Variants in WDR47 observed in about 807,000 individuals in gnomAD.
The protein encoded by WDR47 is WD repeat domain 47.
WDR47 carries 32 observed loss-of-function variants against 97.2 expected under a neutral mutation model. The ratio of observed to expected loss-of-function variants is 0.33; its 90% CI spans 0.25 to 0.44. The LOEUF is 0.44. Ranked by LOEUF, WDR47 falls within the 20% of genes least tolerant of loss-of-function variation. The pLI, the probability that WDR47 is intolerant of heterozygous loss-of-function variation, is 1.00. For synonymous variants in WDR47, 375 were observed against 373.5 expected (o/e 1.00, Z -0.05); for missense variants, 782 against 1,102.3 (o/e 0.71, Z 4.11).
intron 2 of WDR47, among the ~76,000 whole-genome samples, chr1:109,020,682 C>G (rs1024311555): frequency 6.6e-6 from 1 of 152,012 alleles, no homozygotes; most frequent in Non-Finnish European, 1.5e-5. Flanking sequence ...CTGTTAACTT[C>G]TAGGAGTATT....
In WDR47 at chr1:109,038,840, G is replaced by C. The variant is rs183980704; in HGVS notation, c.-10+3022C>G. Among the ~76,000 whole-genome samples the C allele has an allele frequency of 3.5e-3, 537 of 152,178 alleles. 6 individuals carry two copies. The highest frequency in any genetic ancestry group is 0.012 in the African/African-American group (517 of 41,518). On this transcript the variant is annotated intron_variant, in intron 1 of 14. Transcript: ENST00000369962. ...AAAAATACAAAAATTAGTCAAGTGTGGGGGTATGTGCACCTGCAATCCCAG... is the reference window on the plus strand; with the variant it reads ...AAAAATACAAAAATTAGTCAAGTGTCGGGGTATGTGCACCTGCAATCCCAG...
intron 10 of WDR47, among the ~76,000 whole-genome samples, chr1:108,984,194 T>A (rs773242039): frequency 9.2e-5 from 14 of 152,166 alleles, no homozygotes; most frequent in Non-Finnish European, 8.8e-5. Flanking sequence ...GGGTTCTAAA[T>A]GCCATGCTCC....
rs1662002743 is a variant in WDR47, at chr1:109,023,601, C to T, written c.-9-80G>A. 10 of 1,403,950 alleles carry T rather than the reference C, an allele frequency of 7.1e-6. No individual in the cohort carries two copies. The East Asian group carries it at 2.3e-4, about 32-fold the overall frequency. The allele number at this position is 1,403,950 out of a possible 1,614,324, so 87.0% of individuals were successfully genotyped here. ...TTAACTGCCTGGCAACTACACATAA[C>T]AGGTTTACTGGGAATCTTTAGTACA... On this transcript the variant is annotated intron_variant, in intron 1 of 14. Transcript: ENST00000369962.
At chr1:109,020,926 GC>G (rs1661793709) in intron 2 of WDR47, among the ~76,000 whole-genome samples, 1 of 141,946 alleles carries the variant, frequency 7.0e-6, no homozygotes, top group South Asian at 2.2e-4. Context: ...CCTTCTTGTC[GC>G]CCAAGCTGGA....
chr1:108,986,470 C>T lies in WDR47; in HGVS notation c.1925+53G>A, dbSNP rs116669880. The stretch of plus-strand genomic sequence containing the variant: ...GGCAATTCTGAAAAAGGAACCTATA[C>T]GGCTAAATTAAAAACTAAGGTAAGA... On this transcript the variant is annotated intron_variant, in intron 10 of 14. Coordinates refer to ENST00000369962, the MANE Select transcript of WDR47 (RefSeq NM_001142551.2). 10,135 of 1,502,056 alleles carry T rather than the reference C, an allele frequency of 6.7e-3. 36 individuals carry two copies. The highest frequency in any genetic ancestry group is 8.4e-3 in the Non-Finnish European group (9,408 of 1,118,112). The allele number at this position is 1,502,056 out of a possible 1,614,324, so 93.0% of individuals were successfully genotyped here.
rs544611307 is a variant in WDR47, at chr1:109,031,185, C to G, written c.-9-7664G>C. ...TCTTCTAACCAAAGCTCTGTCATGT[C>G]TGCTAATCACCTAACATTTGTAACA... On this transcript the variant is annotated intron_variant, in intron 1 of 14. Coordinates refer to ENST00000369962, the MANE Select transcript of WDR47 (RefSeq NM_001142551.2). Among the ~76,000 whole-genome samples, 14 of 140,000 alleles carry G rather than the reference C, an allele frequency of 1.0e-4. 3 individuals carry two copies. Among genetic ancestry groups the G allele is most frequent in the Non-Finnish European group, 2.2e-4 (14 of 62,866 alleles). The allele number at this position is 140,000 out of a possible 152,430, so 91.8% of individuals were successfully genotyped here.
intron 1 of WDR47, among the ~76,000 whole-genome samples, chr1:109,032,505 C>CAAAA (rs35413882): frequency 1.2e-5 from 1 of 84,992 alleles, no homozygotes. Flanking sequence ...GAGACTGTCT[C>CAAAA]AAAAAAAAAA....
At chr1:108,984,172 C>A (rs1658581021) in intron 10 of WDR47, among the ~76,000 whole-genome samples, 1 of 152,120 alleles carries the variant, frequency 6.6e-6, no homozygotes, top group Non-Finnish European at 1.5e-5. Context: ...GCACTGCAGG[C>A]TCAGCTGTGG....
In WDR47 at chr1:109,041,972, C is replaced by A. The variant is rs1035665301; in HGVS notation, c.-120G>T. The A allele has an allele frequency of 6.6e-6, 1 of 152,324 alleles. No homozygotes were observed. Among genetic ancestry groups the A allele is most frequent in the Non-Finnish European group, 1.5e-5 (1 of 68,116 alleles). 9.4% of individuals were successfully genotyped at this position (152,324 alleles called of 1,614,324 possible). ...CCGGGCTGCGGCAGGAGCACGACGG[C>A]GGCGGTCTGGGTTTGGCGTCGGTCC... On this transcript the variant is annotated 5_prime_UTR_variant, in exon 1 of 15. Coordinates refer to ENST00000369962, the MANE Select transcript of WDR47 (RefSeq NM_001142551.2).
intron 2 of WDR47, 21 bp from the exon 3 acceptor site, chr1:109,017,622 A>G: frequency 6.3e-7 from 1 of 1,591,468 alleles, no homozygotes; most frequent in Non-Finnish European, 8.5e-7. Flanking sequence ...AATTTAAAAA[A>G]ACCAGCATGT....
chr1:109,012,852 A>G (rs1307643274), intron 4 of WDR47, among the ~76,000 whole-genome samples: 1 of 152,154 alleles, frequency 6.6e-6, no homozygotes, highest in Non-Finnish European at 1.5e-5. Flanking sequence ...CTCCTAACTC[A>G]TGTTCCAGTG....
rs1658446361 is a variant in WDR47, at chr1:108,982,770, A to C, written c.2105T>G (p.Leu702Arg). The change falls in exon 12 of 15, where the codon CTG becomes CGG. Residue 702 changes from leucine (L) to arginine (R), a missense_variant. Leu to Arg is a moderately radical substitution (Grantham distance 102). This residue lies in a region of WDR47 where 228 missense variants were observed against 396.7 expected (regional missense o/e 0.57). Coordinates refer to ENST00000369962, the MANE Select transcript of WDR47 (RefSeq NM_001142551.2). ...AETCNATGPD[L>R]EFSMHDGTIR... is the part of the protein sequence containing the mutation. ...TGTTCCATCATGCATACTAAATTCCAGATCTGGTCCTGAAACAGTAGTAAG... is the reference window on the plus strand; with the variant it reads ...TGTTCCATCATGCATACTAAATTCCCGATCTGGTCCTGAAACAGTAGTAAG... The C allele has an allele frequency of 1.9e-6, 3 of 1,605,930 alleles. No homozygotes were observed. The highest frequency in any genetic ancestry group is 2.5e-6 in the Non-Finnish European group (3 of 1,178,044).
intron 8 of WDR47, chr1:108,992,978 G>C: frequency 1.6e-6 from 1 of 635,626 alleles, no homozygotes; most frequent in South Asian, 2.0e-5. Context: ...GAAATACCCA[G>C]AAGAATAAGG....
chr1:109,017,635 C>T (rs777507652), intron 2 of WDR47, 34 bp from the exon 3 acceptor site: 177 of 1,561,784 alleles, frequency 1.1e-4, no homozygotes, highest in Middle Eastern at 1.7e-4. Context: ...CAGCATGTCA[C>T]CAAATTCAGG....
intron 10 of WDR47, among the ~76,000 whole-genome samples, chr1:108,984,823 A>G (rs1049972606): frequency 6.6e-6 from 1 of 152,218 alleles, no homozygotes; most frequent in Non-Finnish European, 1.5e-5. Context: ...GGTTACAGTG[A>G]GCTGAGGTCG....
intron 1 of WDR47, among the ~76,000 whole-genome samples, chr1:109,034,488 C>A (rs1293599736): frequency 6.6e-6 from 1 of 152,078 alleles, no homozygotes; most frequent in Non-Finnish European, 1.5e-5. Context: ...GGTCCCCAAC[C>A]CCCAGGACAC....
Position 108,974,876 on chromosome 1 carries a change from C to T in WDR47, c.2399-122G>A, listed in dbSNP as rs114402867. 1,366 of 799,254 alleles carry T rather than the reference C, an allele frequency of 1.7e-3. 5 individuals are homozygous for T. In the African/African-American group the frequency reaches 0.02, roughly 12 times the overall value. 49.5% of individuals were successfully genotyped at this position (799,254 alleles called of 1,614,324 possible). The stretch of plus-strand genomic sequence containing the variant: ...AATGTAGTTTATCAATACTATTCAG[C>T]GATGAAAAAATCCAAATTAACAGTT... On this transcript the variant is annotated intron_variant, in intron 13 of 14. Coordinates refer to ENST00000369962, the MANE Select transcript of WDR47 (RefSeq NM_001142551.2).
intron 3 of WDR47, 58 bp downstream of exon 3, chr1:109,017,460 T>C (rs1661498617): frequency 1.4e-6 from 2 of 1,445,532 alleles, no homozygotes; most frequent in Non-Finnish European, 9.6e-7. Context: ...TTTTTGTTCA[T>C]TGTTTTGCTA....
intron 4 of WDR47, among the ~76,000 whole-genome samples, chr1:109,012,684 T>G (rs1435963284): frequency 2.0e-5 from 3 of 151,586 alleles, no homozygotes; most frequent in Non-Finnish European, 4.4e-5. Context: ...ATAATTTGTA[T>G]AGTGAATATT....
Sources: allele counts gnomAD v4.1 joint callset (sites outside exome capture counted in the v4.1 genomes callset), GRCh38; gene constraint gnomAD v4.1.1; regional missense constraint gnomAD v4.1.1; transcripts MANE v1.5; gene names NCBI Gene and HGNC (gene_info 2026-07-23, HGNC 2026-07-21).